Variants in NRG2 observed in about 807,000 individuals in gnomAD.
NRG2 encodes neuregulin 2.
Under a neutral mutation model 73.9 loss-of-function variants are expected in NRG2, and 27 were observed. The ratio of observed to expected loss-of-function variants is 0.37; its 90% CI spans 0.27 to 0.50. The LOEUF (loss-of-function observed/expected upper bound fraction) is 0.50. Ranked by LOEUF, NRG2 falls within the 20% of genes least tolerant of loss-of-function variation. The pLI, the probability that NRG2 is intolerant of heterozygous loss-of-function variation, is 0.96. For synonymous variants in NRG2, 532 were observed against 541.0 expected, an observed-to-expected ratio of 0.98 and a Z score of 0.23; for missense variants, 1,126 against 1,210.1, an observed-to-expected ratio of 0.93 and a Z score of 1.03.
intron 1 of NRG2, among the ~76,000 whole-genome samples, chr5:139,937,107 A>G (rs571001899): frequency 4.6e-5 from 7 of 152,236 alleles, no homozygotes; most frequent in African/African-American, 1.7e-4. Flanking sequence ...TGGCCAGGAA[A>G]TAAAGTTTAA....
intron 1 of NRG2, among the ~76,000 whole-genome samples, chr5:140,007,382 C>G (rs1358798836): frequency 6.6e-6 from 1 of 151,978 alleles, no homozygotes; most frequent in Non-Finnish European, 1.5e-5. Context: ...TATTAAGCAG[C>G]CTTCAGCTTC....
chr5:140,042,647 G>A lies in NRG2; in HGVS notation c.423C>T (p.Ala141=), dbSNP rs144634106. ...VEGKVQGLVP[A]GGSSSNSTRE... Reference sequence around the variant, plus strand: ...GGGTGCTGTTGGAGCTGGAGCCGCCGGCTGGGACCAGCCCCTGTACCTTGC... The same window carrying A: ...GGGTGCTGTTGGAGCTGGAGCCGCCAGCTGGGACCAGCCCCTGTACCTTGC... The change falls in exon 1 of 10, where the codon GCC becomes GCT. Residue 141 remains alanine, a synonymous_variant. Coordinates refer to ENST00000361474, the MANE Select transcript of NRG2 (RefSeq NM_004883.3). 84,287 of 1,599,032 alleles carry A rather than the reference G, an allele frequency of 0.053. 2,439 individuals carry two copies. The highest frequency in any genetic ancestry group is 0.11 in the Middle Eastern group (649 of 6,008).
Position 140,042,671 on chromosome 5 carries a change from GC to G in NRG2, c.398del (p.Gly133AlafsTer29). On this transcript the variant is annotated frameshift_variant, in exon 1 of 10. Transcript: ENST00000361474. LOFTEE classifies it high-confidence loss of function. ...QAYKAPVVVE[G>X]KVQGLVPAGG... ...CGGCTGGGACCAGCCCCTGTACCTT[GC>G]CCTCCACCACCACGGGTGCCTTGTA... 1 of 1,593,450 alleles carries G rather than the reference GC, an allele frequency of 6.3e-7. No individual in the cohort carries two copies. Among genetic ancestry groups the G allele is most frequent in the Admixed American group, 1.7e-5 (1 of 57,276 alleles).
intron 4 of NRG2, among the ~76,000 whole-genome samples, chr5:139,871,359 G>A (rs899923371): frequency 2.0e-5 from 3 of 152,108 alleles, no homozygotes; most frequent in East Asian, 1.9e-4. Flanking sequence ...GAGGAAAAGA[G>A]GGGGGGAAAG....
At chr5:139,848,745 CG>C in intron 9 of NRG2, 48 bp from the exon 10 acceptor site, 1 of 63,978 alleles carries the variant, frequency 1.6e-5, no homozygotes, top group Admixed American at 1.3e-3. Flanking sequence ...CGGGCCGGCG[CG>C]GGGGAGGGGG....
chr5:139,911,025 G>A lies in NRG2; in HGVS notation c.701-23514C>T, dbSNP rs1418350898. Among the ~76,000 whole-genome samples, 12 of 152,042 alleles carry A rather than the reference G, an allele frequency of 7.9e-5. No individual in the cohort carries two copies. In the East Asian group the frequency reaches 1.6e-3, roughly 20 times the overall value. ...GGAGCCTCCCCTGGCTCCAGGGGCC[G>A]GGAGAAGAAAGCCAAGCAGCAATGG... On this transcript the variant is annotated intron_variant, in intron 1 of 9. Coordinates refer to ENST00000361474, the MANE Select transcript of NRG2 (RefSeq NM_004883.3).
rs145671125 is a variant in NRG2, at chr5:139,919,299, T to C, written c.701-31788A>G. 4.2e-3 allele frequency among the ~76,000 whole-genome samples: 635 copies of C among 152,108 alleles called. 3 individuals are homozygous for C. Among genetic ancestry groups the C allele is most frequent in the African/African-American group, 0.015 (623 of 41,510 alleles). On this transcript the variant is annotated intron_variant, in intron 1 of 9. Coordinates refer to ENST00000361474, the MANE Select transcript of NRG2 (RefSeq NM_004883.3). ...CAGGGAACTGGTCCTTATGTTTAGC[T>C]TGTATGCATCAGCTGCTTGAGAAAA...
At chr5:140,009,847 G>A (rs974720056) in intron 1 of NRG2, among the ~76,000 whole-genome samples, 3 of 152,128 alleles carry the variant, frequency 2.0e-5, no homozygotes, top group African/African-American at 7.2e-5. Context: ...AATGAAGGAC[G>A]CCAATCGGAA....
At chr5:140,011,885 A>G (rs1014853026) in intron 1 of NRG2, among the ~76,000 whole-genome samples, 1 of 152,204 alleles carries the variant, frequency 6.6e-6, no homozygotes, top group Non-Finnish European at 1.5e-5. Flanking sequence ...CAACTCAAAA[A>G]TCATTAATCT....
chr5:139,991,441 T>C (rs1170634212), intron 1 of NRG2, among the ~76,000 whole-genome samples: 1 of 152,094 alleles, frequency 6.6e-6, no homozygotes, highest in Non-Finnish European at 1.5e-5. Context: ...GTTTTTTACA[T>C]TTCATATTAT....
intron 1 of NRG2, among the ~76,000 whole-genome samples, chr5:140,040,603 A>T (rs1761838491): frequency 6.6e-6 from 1 of 152,228 alleles, no homozygotes; most frequent in African/African-American, 2.4e-5. Context: ...ACTAGGGATT[A>T]TGTGGAGATG....
intron 1 of NRG2, among the ~76,000 whole-genome samples, chr5:140,021,881 C>T (rs1004879237): frequency 6.6e-6 from 1 of 152,170 alleles, no homozygotes; most frequent in African/African-American, 2.4e-5. Context: ...AAGGCTCCAT[C>T]CCCAGCCCTC....
In NRG2 at chr5:139,848,293, C is replaced by CGCG. The variant is rs1188876400; in HGVS notation, c.2174_2176dup (p.Pro725dup). ...GCGGGACGCACCGCGCGCGCGCGGC[C>CGCG]GCGGCGGCGGCGGGGGCGCGCACTC... On this transcript the variant is annotated inframe_insertion, in exon 10 of 10. Transcript: ENST00000361474. 35 of 1,139,990 alleles carry CGCG rather than the reference C, an allele frequency of 3.1e-5. No individual in the cohort carries two copies. Among genetic ancestry groups the CGCG allele is most frequent in the Admixed American group, 4.9e-5 (1 of 20,410 alleles). 70.6% of individuals were successfully genotyped at this position (1,139,990 alleles called of 1,614,324 possible). A position where few individuals can be genotyped will look rare whatever the true frequency, so the allele number is the denominator to read the frequency against.
intron 6 of NRG2, among the ~76,000 whole-genome samples, chr5:139,855,111 G>A (rs942750848): frequency 6.6e-6 from 1 of 152,128 alleles, no homozygotes; most frequent in African/African-American, 2.4e-5. Flanking sequence ...CTGTCCAGAG[G>A]GGGACCAGCC....
At chr5:139,922,353 C>T (rs2126325065) in intron 1 of NRG2, among the ~76,000 whole-genome samples, 1 of 152,186 alleles carries the variant, frequency 6.6e-6, no homozygotes, top group Admixed American at 6.5e-5. Flanking sequence ...AGAAGATGCT[C>T]CACATCATAT....
intron 1 of NRG2, among the ~76,000 whole-genome samples, chr5:140,027,943 C>T (rs1760832176): frequency 6.6e-6 from 1 of 152,174 alleles, no homozygotes; most frequent in Admixed American, 6.5e-5. Context: ...GAACAACAAA[C>T]AGTGAAGAAT....
intron 6 of NRG2, among the ~76,000 whole-genome samples, chr5:139,855,003 A>G (rs1231819248): frequency 1.3e-5 from 2 of 152,070 alleles, no homozygotes; most frequent in Admixed American, 6.5e-5. Context: ...CCGGGAGTAC[A>G]GTTGACCCTC....
intron 1 of NRG2, among the ~76,000 whole-genome samples, chr5:139,936,554 T>C (rs1251036915): frequency 2.6e-5 from 4 of 152,190 alleles, no homozygotes; most frequent in East Asian, 3.8e-4. Context: ...GAAGGCTTCA[T>C]GGTGAATTCT....
At chr5:139,921,718 C>T (rs1751678049) in intron 1 of NRG2, among the ~76,000 whole-genome samples, 1 of 152,098 alleles carries the variant, frequency 6.6e-6, no homozygotes, top group Non-Finnish European at 1.5e-5. Context: ...CTATACAACA[C>T]CAATGGCATA....
Sources: allele counts gnomAD v4.1 joint callset (sites outside exome capture counted in the v4.1 genomes callset), GRCh38; gene constraint gnomAD v4.1.1; transcripts MANE v1.5; gene names NCBI Gene and HGNC (gene_info 2026-07-23, HGNC 2026-07-21).